TSKS: variants seen among roughly 807,000 people sequenced by gnomAD.
TSKS encodes testis-specific serine kinase substrate.
In TSKS, 27 loss-of-function variants were observed where a neutral mutation model predicts 68.0. The observed-to-expected ratio is 0.40, with a 90% CI of 0.29 to 0.55. TSKS has a LOEUF of 0.55. Ranked by LOEUF, TSKS falls within the 20% of genes least tolerant of loss-of-function variation. The pLI is 0.53. For synonymous variants in TSKS, 331 were observed against 340.4 expected, an observed-to-expected ratio of 0.97 and a Z score of 0.30; for missense variants, 806 against 776.0, an observed-to-expected ratio of 1.04 and a Z score of -0.46.
In TSKS at chr19:49,744,312, T is replaced by G. The variant is rs1405566994; in HGVS notation, c.1280A>C (p.Gln427Pro). Reference protein sequence around the residue: ...LKPILEEFGRQFQNSRRGPDL... With the variant: ...LKPILEEFGRPFQNSRRGPDL... ...AGGCCCTCTTCGAGAGTTCTGAAAT[T>G]GCCGCCCGAACTCCTCCAGAATGGG... The change falls in exon 8 of 11, where the codon CAA becomes CCA. Residue 427 changes from glutamine to proline, a missense_variant. Coordinates refer to ENST00000246801, the MANE Select transcript of TSKS (RefSeq NM_021733.2). The G allele has an allele frequency of 1.9e-6, 3 of 1,614,048 alleles. No homozygotes were observed. The highest frequency in any genetic ancestry group is 3.3e-5 in the Admixed American group (2 of 59,976).
In TSKS at chr19:49,763,018, G is replaced by T; in HGVS notation, c.170+60C>A. 1 of 1,540,016 alleles carries T rather than the reference G, an allele frequency of 6.5e-7. No homozygotes were observed. The highest frequency in any genetic ancestry group is 8.7e-7 in the Non-Finnish European group (1 of 1,143,274). ...CTCTAGCACCCACAGTCGGACTCCT[G>T]CTCTGTTGGAGGTAGTGCTGGGCAT... On this transcript the variant is annotated intron_variant, in intron 1 of 10. Transcript: ENST00000246801. This position sits in a 1 kb window ranked among gnomAD's most constrained non-coding sequence, Gnocchi z 4.5.
At chr19:49,746,940 G>C in intron 5 of TSKS, 142 bp from the exon 6 acceptor site, 1 of 1,436,474 alleles carries the variant, frequency 7.0e-7, no homozygotes, top group East Asian at 2.3e-5. Flanking sequence ...CTCACTGGCT[G>C]TCATTAGGGA....
chr19:49,763,176 C>T lies in TSKS; in HGVS notation c.72G>A (p.Gly24=). ...EIHEAGDTPT[G]VESCSQLVPE... ...GGACTAGCTGGGAGCAGCTCTCCAC[C>T]CCCGTGGGGGTGTCCCCGGCCTCAT... The change falls in exon 1 of 11, where the codon GGG becomes GGA. Residue 24 remains glycine (G), a synonymous_variant. Coordinates refer to ENST00000246801, the MANE Select transcript of TSKS (RefSeq NM_021733.2). The surrounding 1 kb of genome is among the most constrained non-coding windows in gnomAD (Gnocchi z 4.5). 4 of 1,602,966 alleles carry T rather than the reference C, an allele frequency of 2.5e-6. No individual in the cohort carries two copies. The highest frequency in any genetic ancestry group is 3.4e-6 in the Non-Finnish European group (4 of 1,174,634).
rs1329408981 is a variant in TSKS, at chr19:49,753,439, G to A, written c.400-4970C>T. Among the ~76,000 whole-genome samples the A allele has an allele frequency of 5.3e-5, 8 of 151,898 alleles. No homozygotes were observed. In the South Asian group the frequency reaches 1.0e-3, roughly 20 times the overall value. On this transcript the variant is annotated intron_variant, in intron 2 of 10. Transcript: ENST00000246801. ...TAGCTGGACGTGGTGGCGGGCGCCT[G>A]TAGTCCCAGCTACTCGGGAAGCTGA...
At chr19:49,745,424 A>G in intron 6 of TSKS, 28 bp from the exon 7 acceptor site, 1 of 1,499,028 alleles carries the variant, frequency 6.7e-7, no homozygotes, top group Non-Finnish European at 8.9e-7. Flanking sequence ...GGGAATGGGT[A>G]GGGGCTAGGC....
chr19:49,746,436 C>T lies in TSKS; in HGVS notation c.992+34G>A, dbSNP rs560788230. 6 of 1,611,266 alleles carry T rather than the reference C, an allele frequency of 3.7e-6. No homozygotes were observed. The African/African-American group carries it at 8.0e-5, about 22-fold the overall frequency. On this transcript the variant is annotated intron_variant, in intron 6 of 10. Transcript: ENST00000246801. Reference sequence around the variant, plus strand: ...TCCACCCCTGAGTCCCCGCCGATCTCGTTTTCGAGGCTCCGCCCCTAGGTC... The same window carrying T: ...TCCACCCCTGAGTCCCCGCCGATCTTGTTTTCGAGGCTCCGCCCCTAGGTC...
chr19:49,749,678 G>C (rs752774230), intron 2 of TSKS, among the ~76,000 whole-genome samples: 1 of 152,110 alleles, frequency 6.6e-6, no homozygotes, highest in Non-Finnish European at 1.5e-5. Context: ...GGTGTGGAGC[G>C]GTACTATCAT....
chr19:49,741,667 C>G (rs1381128936), intron 9 of TSKS, among the ~76,000 whole-genome samples: 2 of 152,144 alleles, frequency 1.3e-5, no homozygotes, highest in African/African-American at 2.4e-5. Flanking sequence ...AGTCCATCTT[C>G]CGAGGTAGCG....
Position 49,745,234 on chromosome 19 carries a change from C to T in TSKS, c.1155G>A (p.Glu385=). The change falls in exon 7 of 11, where the codon GAG becomes GAA. Residue 385 remains glutamate (E), a synonymous_variant. Transcript: ENST00000246801. ...EQAQTARDLQ[E]LRGRADELCT... ...ACAGCTCATCCGCCCGACCTCGCAG[C>T]TCCTGCAAGTCCCGCGCCGTCTGTG... 6.2e-7 allele frequency: 1 copy of T among 1,606,436 alleles called. No individual in the cohort carries two copies. The highest frequency in any genetic ancestry group is 8.5e-7 in the Non-Finnish European group (1 of 1,177,310).
intron 6 of TSKS, 108 bp downstream of exon 6, chr19:49,746,362 C>T (rs2084299690): frequency 7.4e-7 from 1 of 1,349,148 alleles, no homozygotes; most frequent in Non-Finnish European, 1.0e-6. Context: ...ACCTCAGCTA[C>T]TTGAGAACCC....
At chr19:49,751,301 CAAAA>C (rs55750605) in intron 2 of TSKS, among the ~76,000 whole-genome samples, 4 of 35,114 alleles carry the variant, frequency 1.1e-4, no homozygotes, top group Non-Finnish European at 2.3e-4. Flanking sequence ...GATTCCATCT[CAAAA>C]AAAAAAAAAA....
intron 2 of TSKS, among the ~76,000 whole-genome samples, chr19:49,758,248 C>T (rs564024252): frequency 3.5e-4 from 54 of 152,278 alleles, no homozygotes; most frequent in African/African-American, 1.1e-3. Context: ...TGCCTGTCCC[C>T]GCCTTCTCTC....
chr19:49,762,150 G>A lies in TSKS; in HGVS notation c.253C>T (p.Leu85Phe). The change falls in exon 2 of 11, where the codon CTC becomes TTC. Residue 85 changes from leucine to phenylalanine, a missense_variant. Leu to Phe is a conservative substitution (Grantham distance 22). Coordinates refer to ENST00000246801, the MANE Select transcript of TSKS (RefSeq NM_021733.2). ...RSSACTNVSL[L>F]NLAAMEPTDS... ...GTGGGCTCCATGGCGGCCAGGTTGA[G>A]CAGTGACACGTTGGTGCAGGCCGAG... The A allele has an allele frequency of 1.2e-6, 2 of 1,614,170 alleles. No individual in the cohort carries two copies. Among genetic ancestry groups the A allele is most frequent in the East Asian group, 2.2e-5 (1 of 44,868 alleles).
At position 49,755,498 on chromosome 19, in the gene TSKS, C is replaced by T. The variant is rs143745030; in HGVS notation, c.399+6506G>A. On this transcript the variant is annotated intron_variant, in intron 2 of 10. Coordinates refer to ENST00000246801, the MANE Select transcript of TSKS (RefSeq NM_021733.2). Reference sequence around the variant, plus strand: ...TTACTTGAGACCAAGAGCTCAAGACCAGCCTGGCCAACATAGCAAAACCCT... The same window carrying T: ...TTACTTGAGACCAAGAGCTCAAGACTAGCCTGGCCAACATAGCAAAACCCT... Among the ~76,000 whole-genome samples the T allele has an allele frequency of 2.6e-5, 4 of 152,094 alleles. No individual in the cohort carries two copies. In the East Asian group the frequency reaches 7.7e-4, roughly 29 times the overall value.
chr19:49,745,321 C>T lies in TSKS; in HGVS notation c.1068G>A (p.Gly356=). 3.1e-6 allele frequency: 5 copies of T among 1,602,832 alleles called. No individual in the cohort carries two copies. The highest frequency in any genetic ancestry group is 4.2e-6 in the Non-Finnish European group (5 of 1,178,740). Residue 356 remains glycine (G), a synonymous_variant, in exon 7 of 11, where the codon GGG becomes GGA. Coordinates refer to ENST00000246801, the MANE Select transcript of TSKS (RefSeq NM_021733.2). ...AGCCGTCGACCCTGCCGCCCAGGCCCCCGAGCAGCCGCAGGGCTTCCTGCA... is the reference window on the plus strand; with the variant it reads ...AGCCGTCGACCCTGCCGCCCAGGCCTCCGAGCAGCCGCAGGGCTTCCTGCA... ...GAVQEALRLL[G]GLGGRVDGFL... is the part of the protein sequence containing the mutation.
chr19:49,745,134 G>A (rs2084285213), intron 7 of TSKS, 68 bp downstream of exon 7: 1 of 1,450,596 alleles, frequency 6.9e-7, no homozygotes, highest in Non-Finnish European at 9.2e-7. Flanking sequence ...TTTCCCTCAA[G>A]ACCCCGCCCT....
chr19:49,746,612 C>G lies in TSKS; in HGVS notation c.850G>C (p.Gly284Arg). 2 of 1,611,102 alleles carry G rather than the reference C, an allele frequency of 1.2e-6. No individual in the cohort carries two copies. ...GPAATSQGCP[G>R]PPGSPDKPSR... ...GGTTTGTCGGGACTCCCTGGCGGGCCGGGGCAGCCCTGGGACGTGGCGGCG... is the reference window on the plus strand; with the variant it reads ...GGTTTGTCGGGACTCCCTGGCGGGCGGGGGCAGCCCTGGGACGTGGCGGCG... The change falls in exon 6 of 11, where the codon GGC becomes CGC. Residue 284 changes from glycine (G) to arginine (R), a missense_variant. By Grantham distance (125) the Gly-to-Arg change is moderately radical (BLOSUM62 -2). Transcript: ENST00000246801.
In TSKS at chr19:49,762,045, G is replaced by A; in HGVS notation, c.358C>T (p.Leu120=). ...TCTGCGTCATCCGGATCCCAGGGTA[G>A]GGTAGGGGAGGCAGGGGGCCCAGCC... ...TLAGPPASPT[L]PWDPDDADIT... is the part of the protein sequence containing the mutation. The change falls in exon 2 of 11, where the codon CTA becomes TTA. Residue 120 remains leucine, a synonymous_variant. Coordinates refer to ENST00000246801, the MANE Select transcript of TSKS (RefSeq NM_021733.2). The A allele has an allele frequency of 6.2e-7, 1 of 1,614,132 alleles. No individual in the cohort carries two copies. Among genetic ancestry groups the A allele is most frequent in the Non-Finnish European group, 8.5e-7 (1 of 1,180,030 alleles).
At chr19:49,749,185 A>G (rs973092673) in intron 2 of TSKS, among the ~76,000 whole-genome samples, 3 of 152,208 alleles carry the variant, frequency 2.0e-5, no homozygotes, top group African/African-American at 4.8e-5. Flanking sequence ...AACACTTGCT[A>G]TGCACCAAGC....
Sources: allele counts gnomAD v4.1 joint callset (sites outside exome capture counted in the v4.1 genomes callset), GRCh38; gene constraint gnomAD v4.1.1; non-coding constraint Gnocchi (gnomAD v3.1); transcripts MANE v1.5; gene names NCBI Gene and HGNC (gene_info 2026-07-23, HGNC 2026-07-21).